Variants in GAPVD1 observed in about 807,000 individuals in gnomAD.
GAPVD1 encodes GTPase-activating protein and VPS9 domain-containing protein 1.
A neutral mutation model predicts 155.5 loss-of-function variants in GAPVD1; 35 were observed. That is an observed-to-expected ratio of 0.23 (90% CI 0.17 to 0.30). The LOEUF (loss-of-function observed/expected upper bound fraction) is 0.30, where lower values mean the gene tolerates loss of function less well. Among genes scored for constraint, GAPVD1 ranks in the 10% least tolerant of loss-of-function variants. The pLI is 1.00. For missense variants in GAPVD1, 1,429 were observed against 1,775.7 expected (o/e 0.80, Z 3.51); for synonymous variants, 636 against 619.7 (o/e 1.03, Z -0.39).
intron 19 of GAPVD1, 169 bp from the exon 20 acceptor site, chr9:125,346,650 G>A: frequency 1.5e-6 from 1 of 671,394 alleles, no homozygotes; most frequent in Non-Finnish European, 2.7e-6. Flanking sequence ...CTCAGACCTA[G>A]AAATGGGATG....
chr9:125,309,317 GTTT>G (rs948884660), intron 8 of GAPVD1: 45 of 150,600 alleles, frequency 3.0e-4, no homozygotes, highest in African/African-American at 1.0e-3. Context: ...ACTTATTGGT[GTTT>G]TTTTTTGTTT....
intron 6 of GAPVD1, among the ~76,000 whole-genome samples, chr9:125,305,710 G>A (rs918269825): frequency 3.9e-5 from 6 of 152,048 alleles, no homozygotes; most frequent in Non-Finnish European, 8.8e-5. Context: ...CTGTTGCCCA[G>A]GCTGGAGTGC....
chr9:125,347,003 G>C (rs778617329), intron 20 of GAPVD1, 62 bp downstream of exon 20: 35 of 1,539,172 alleles, frequency 2.3e-5, no homozygotes, highest in Non-Finnish European at 2.4e-5. Context: ...AAGGTAATCT[G>C]AATTTAAGTG....
chr9:125,307,591 G>A, intron 7 of GAPVD1, 44 bp downstream of exon 7: 1 of 1,592,702 alleles, frequency 6.3e-7, no homozygotes, highest in Non-Finnish European at 8.6e-7. Flanking sequence ...AAGTCTTTTA[G>A]CTAAGCGTGA....
At chr9:125,270,610 A>G (rs1834737460) in intron 2 of GAPVD1, among the ~76,000 whole-genome samples, 1 of 152,160 alleles carries the variant, frequency 6.6e-6, no homozygotes, top group African/African-American at 2.4e-5. Context: ...AGTGGTGAAT[A>G]TCTTGATACT....
At chr9:125,305,282 A>G (rs1841587748) in intron 6 of GAPVD1, 133 bp downstream of exon 6, 1 of 594,410 alleles carries the variant, frequency 1.7e-6, no homozygotes, top group African/African-American at 1.9e-5. Flanking sequence ...GATCAGCAGC[A>G]TTTAAAGATG....
intron 12 of GAPVD1, among the ~76,000 whole-genome samples, chr9:125,328,029 CT>C (rs1181284992): frequency 4.0e-5 from 6 of 151,816 alleles, no homozygotes; most frequent in Non-Finnish European, 8.8e-5. Context: ...TTATTAGTAA[CT>C]TTTTTTCTAA....
intron 8 of GAPVD1, among the ~76,000 whole-genome samples, 176 bp from the exon 9 acceptor site, chr9:125,312,276 G>C (rs961846282): frequency 1.3e-5 from 2 of 152,092 alleles, no homozygotes; most frequent in Non-Finnish European, 2.9e-5. Context: ...AGTCAGTAGA[G>C]TAACTGGGAG....
At position 125,307,426 on chromosome 9, in the gene GAPVD1, C is replaced by T. The variant is rs1159567747; in HGVS notation, c.1130C>T (p.Ala377Val). ...LGKFDKSCVA[A>V]FLDVVIGGRA... ...CTGTTTTAACAGAGCTGTGTTGCCG[C>T]TTTCCTTGATGTTGTGATTGGGGGC... The change falls in exon 7 of 28, where the codon GCT becomes GTT. Residue 377 changes from alanine (A) to valine (V), a missense_variant. Physicochemically the swap from Ala to Val is moderately conservative, Grantham distance 64 (BLOSUM62 0). This residue lies in a region of GAPVD1 where 628 missense variants were observed against 733.4 expected (regional missense o/e 0.86). Coordinates refer to ENST00000297933, the MANE Select transcript of GAPVD1 (RefSeq NM_001282680.3). 1 of 1,604,384 alleles carries T rather than the reference C, an allele frequency of 6.2e-7. No homozygotes were observed.
At position 125,311,766 on chromosome 9, in the gene GAPVD1, CT is replaced by C. The variant is rs752687474; in HGVS notation, c.1442-685del. ...ATGGAGTCTCACTCTGATGCCCAGG[CT>C]GGAGTGCAGTGGTGCAAACTTGGCC... On this transcript the variant is annotated intron_variant, in intron 8 of 27. Coordinates refer to ENST00000297933, the MANE Select transcript of GAPVD1 (RefSeq NM_001282680.3). Among the ~76,000 whole-genome samples the C allele has an allele frequency of 7.2e-4, 108 of 150,666 alleles. 2 individuals carry two copies. Among genetic ancestry groups the C allele is most frequent in the Non-Finnish European group, 3.1e-4 (21 of 67,864 alleles).
At position 125,366,515 on chromosome 9, in the gene GAPVD1, T is replaced by C. The variant is rs1173839058; in HGVS notation, c.*3769T>C. 2 of 152,224 alleles carry C rather than the reference T, an allele frequency of 1.3e-5. No homozygotes were observed. The highest frequency in any genetic ancestry group is 2.4e-5 in the African/African-American group (1 of 41,466). 9.4% of individuals were successfully genotyped at this position (152,224 alleles called of 1,614,324 possible). On this transcript the variant is annotated 3_prime_UTR_variant, in exon 28 of 28. Coordinates refer to ENST00000297933, the MANE Select transcript of GAPVD1 (RefSeq NM_001282680.3). ...ATTTTTCTCTCCCATCTCTTCCTGC[T>C]TTGTTTCTTTAAAGAAAAGGCTGTT... is the stretch of plus-strand genomic sequence containing the variant.
chr9:125,277,563 C>G (rs543222808), intron 2 of GAPVD1, among the ~76,000 whole-genome samples: 54 of 152,136 alleles, frequency 3.5e-4, no homozygotes, highest in Non-Finnish European at 5.7e-4. Context: ...TGCCCTCCAT[C>G]AAGATCAGAC....
In GAPVD1 at chr9:125,358,146, C is replaced by T. The variant is rs530042649; in HGVS notation, c.3972-1274C>T. Among the ~76,000 whole-genome samples, 13 of 152,228 alleles carry T rather than the reference C, an allele frequency of 8.5e-5. No homozygotes were observed. The South Asian group carries it at 2.3e-3, about 27-fold the overall frequency. On this transcript the variant is annotated intron_variant, in intron 25 of 27. Transcript: ENST00000297933. ...TTTTTGAGATAGTCTCACTCTGTCA[C>T]CCAGGCTGGAGTGCAATGGCGCAAT...
rs548311290 is a variant in GAPVD1 at position 125,364,913 on chromosome 9, C to T, written c.*2167C>T. The T allele has an allele frequency of 1.3e-5, 2 of 152,768 alleles. No individual in the cohort carries two copies. The highest frequency in any genetic ancestry group is 2.4e-5 in the African/African-American group (1 of 41,572). 9.5% of individuals were successfully genotyped at this position (152,768 alleles called of 1,614,324 possible). On this transcript the variant is annotated 3_prime_UTR_variant, in exon 28 of 28. Coordinates refer to ENST00000297933, the MANE Select transcript of GAPVD1 (RefSeq NM_001282680.3). Reference sequence around the variant, plus strand: ...TGAAATTCATTGTTACAGGATTTAACTCATAAACCAATGAGAGATTTTTTT... The same window carrying T: ...TGAAATTCATTGTTACAGGATTTAATTCATAAACCAATGAGAGATTTTTTT...
chr9:125,307,166 G>A (rs1224201430), intron 6 of GAPVD1, among the ~76,000 whole-genome samples: 1 of 151,770 alleles, frequency 6.6e-6, no homozygotes, highest in Non-Finnish European at 1.5e-5. Context: ...TCGGGAGGCT[G>A]AGGCAGGAGA....
intron 2 of GAPVD1, among the ~76,000 whole-genome samples, chr9:125,278,926 T>TC (rs1836261663): frequency 6.6e-6 from 1 of 150,900 alleles, no homozygotes; most frequent in Admixed American, 6.6e-5. Context: ...AAAATGGCAG[T>TC]CATGGCTGGG....
chr9:125,336,306 C>CAA (rs1247163068), intron 15 of GAPVD1, among the ~76,000 whole-genome samples: 11 of 131,310 alleles, frequency 8.4e-5, no homozygotes, highest in East Asian at 6.8e-4. Flanking sequence ...AAAAAAAAAA[C>CAA]AAAAAACAAA....
At chr9:125,344,213 G>A (rs1246114431) in intron 19 of GAPVD1, among the ~76,000 whole-genome samples, 2 of 152,098 alleles carry the variant, frequency 1.3e-5, no homozygotes, top group African/African-American at 4.8e-5. Context: ...ATAATTCTGT[G>A]ACCCTAACTA....
chr9:125,311,066 C>G (rs900347533), intron 8 of GAPVD1, among the ~76,000 whole-genome samples: 65 of 152,040 alleles, frequency 4.3e-4, no homozygotes, highest in African/African-American at 1.5e-3. Context: ...GTCTCAAACT[C>G]CCGACCTCAG....
Sources: allele counts gnomAD v4.1 joint callset (sites outside exome capture counted in the v4.1 genomes callset), GRCh38; gene constraint gnomAD v4.1.1; regional missense constraint gnomAD v4.1.1; transcripts MANE v1.5; gene names NCBI Gene and HGNC (gene_info 2026-07-23, HGNC 2026-07-21).